The following HHAT variants were observed in gnomAD, a reference collection of about 807,000 sequenced individuals.
HHAT encodes the protein protein-cysteine N-palmitoyltransferase HHAT.
A neutral mutation model predicts 70.8 loss-of-function variants in HHAT; 47 were observed. That is an observed-to-expected ratio of 0.66 (90% CI 0.53 to 0.85). The LOEUF is 0.85. Among genes scored for constraint, HHAT ranks in the 40% least tolerant of loss-of-function variants. The probability of loss-of-function intolerance (pLI) is 0.00; values close to 1 mark genes in which losing one functional copy is unlikely to be tolerated. For missense variants in HHAT, 609 were observed against 604.8 expected (o/e 1.01, Z -0.07); for synonymous variants, 228 against 247.6 (o/e 0.92, Z 0.74).
intron 8 of HHAT, among the ~76,000 whole-genome samples, chr1:210,480,778 T>TC (rs1250039792): frequency 6.6e-6 from 1 of 152,136 alleles, no homozygotes; most frequent in East Asian, 1.9e-4. Context: ...CCCTGATAGC[T>TC]CCCCTCCAGG....
At chr1:210,340,243 A>AAG (rs1558310289) in intron 1 of HHAT, among the ~76,000 whole-genome samples, 1,777 of 20,018 alleles carry the variant, frequency 0.089, 33 homozygotes, top group African/African-American at 0.2. Flanking sequence ...TCTGTCTCAG[A>AAG]AAAAAAAAAA....
chr1:210,553,608 A>G lies in HHAT; in HGVS notation c.1044-34290A>G, dbSNP rs567619907. 2.0e-5 allele frequency among the ~76,000 whole-genome samples: 3 copies of G among 152,300 alleles called. No individual in the cohort carries two copies. The South Asian group carries it at 6.2e-4, about 32-fold the overall frequency. The stretch of plus-strand genomic sequence containing the variant: ...TCAACCCTAGCCCTGCTCAGTGCCC[A>G]CAGGGCGTCAGACAGTACTCTTCTC... On this transcript the variant is annotated intron_variant, in intron 9 of 11. Coordinates refer to ENST00000261458, the MANE Select transcript of HHAT (RefSeq NM_018194.6).
intron 7 of HHAT, among the ~76,000 whole-genome samples, chr1:210,423,190 T>C (rs1450695286): frequency 6.6e-6 from 1 of 152,184 alleles, no homozygotes; most frequent in African/African-American, 2.4e-5. Flanking sequence ...CCACCAACAA[T>C]GTGTAAGAAT....
At chr1:210,669,210 G>A (rs769886207) in intron 11 of HHAT, among the ~76,000 whole-genome samples, 15 of 152,126 alleles carry the variant, frequency 9.9e-5, no homozygotes, top group Non-Finnish European at 1.9e-4. Context: ...TCAAACCGCA[G>A]GCTTTCCATT....
intron 9 of HHAT, among the ~76,000 whole-genome samples, chr1:210,560,758 A>G (rs1314893523): frequency 7.6e-6 from 1 of 131,242 alleles, no homozygotes; most frequent in African/African-American, 2.8e-5. Context: ...GGCTACAGTG[A>G]GCTATGATCA....
intron 11 of HHAT, among the ~76,000 whole-genome samples, chr1:210,629,267 C>A (rs979146280): frequency 5.3e-5 from 8 of 152,328 alleles, no homozygotes; most frequent in Admixed American, 3.3e-4. Flanking sequence ...ACAAGTAATT[C>A]CAGCCAAGTC....
chr1:210,560,161 C>A (rs1198239274), intron 9 of HHAT, among the ~76,000 whole-genome samples: 2 of 152,152 alleles, frequency 1.3e-5, no homozygotes, highest in African/African-American at 4.8e-5. Flanking sequence ...TCTCTTGTAC[C>A]CTTCTAAGGA....
At chr1:210,632,926 G>A (rs1306439596) in intron 11 of HHAT, among the ~76,000 whole-genome samples, 1 of 152,148 alleles carries the variant, frequency 6.6e-6, no homozygotes, top group Non-Finnish European at 1.5e-5. Flanking sequence ...GGATTGGAGT[G>A]ATGCTGCCAC....
chr1:210,450,806 A>C (rs943090951), intron 7 of HHAT, among the ~76,000 whole-genome samples: 1 of 152,036 alleles, frequency 6.6e-6, no homozygotes, highest in South Asian at 2.1e-4. Flanking sequence ...TTTCTCTTCT[A>C]CTTCCTACAC....
intron 11 of HHAT, among the ~76,000 whole-genome samples, chr1:210,638,661 A>G (rs1344177910): frequency 7.0e-6 from 1 of 142,178 alleles, no homozygotes; most frequent in Non-Finnish European, 1.5e-5. Flanking sequence ...CAGGAAGATC[A>G]CTTCCCTTGA....
At chr1:210,366,390 G>A (rs1392129635) in intron 3 of HHAT, among the ~76,000 whole-genome samples, 1 of 152,172 alleles carries the variant, frequency 6.6e-6, no homozygotes, top group Non-Finnish European at 1.5e-5. Context: ...CCAGCACTTG[G>A]GAAGGCTAAG....
intron 11 of HHAT, among the ~76,000 whole-genome samples, chr1:210,654,978 G>A (rs1676076081): frequency 6.6e-6 from 1 of 152,178 alleles, no homozygotes; most frequent in South Asian, 2.1e-4. Flanking sequence ...TCACTTTAGA[G>A]GAATCAGAGA....
intron 9 of HHAT, among the ~76,000 whole-genome samples, chr1:210,585,162 C>T (rs1237791075): frequency 1.3e-5 from 2 of 149,474 alleles, no homozygotes; most frequent in Non-Finnish European, 2.9e-5. Flanking sequence ...TGTACAGATG[C>T]AGATTTGCAT....
In HHAT at chr1:210,400,518, G is replaced by C. The variant is rs764583559; in HGVS notation, c.324G>C (p.Val108=). ...ATGGGATGTGGGCCTGCTGGTGTGT[G>C]CTGGGGACCCCTGGTGTGGCTATGG... ...MLYGMWACWC[V]LGTPGVAMVL... is the part of the protein sequence containing the mutation. Residue 108 remains valine, a synonymous_variant, in exon 5 of 12, where the codon GTG becomes GTC. Coordinates refer to ENST00000261458, the MANE Select transcript of HHAT (RefSeq NM_018194.6). The C allele has an allele frequency of 6.2e-7, 1 of 1,614,014 alleles. No individual in the cohort carries two copies. The highest frequency in any genetic ancestry group is 8.5e-7 in the Non-Finnish European group (1 of 1,179,966).
chr1:210,506,082 G>C (rs1217252670), intron 8 of HHAT, among the ~76,000 whole-genome samples: 1 of 152,178 alleles, frequency 6.6e-6, no homozygotes, highest in African/African-American at 2.4e-5. Context: ...GCAGTTCTAA[G>C]CTAGGTGATA....
At chr1:210,345,572 C>T (rs759817078) in intron 1 of HHAT, among the ~76,000 whole-genome samples, 2 of 152,088 alleles carry the variant, frequency 1.3e-5, no homozygotes, top group Non-Finnish European at 2.9e-5. Context: ...ATGTGTATAG[C>T]TCTTGTTTAT....
chr1:210,612,865 T>G lies in HHAT; in HGVS notation c.1246-10661T>G, dbSNP rs1666875013. Reference sequence around the variant, plus strand: ...GGTGTGAAGTGATATCTCATGGTTTTGATTTGCATTTCCTTTATGACTTTT... The same window carrying G: ...GGTGTGAAGTGATATCTCATGGTTTGGATTTGCATTTCCTTTATGACTTTT... On this transcript the variant is annotated intron_variant, in intron 10 of 11. Coordinates refer to ENST00000261458, the MANE Select transcript of HHAT (RefSeq NM_018194.6). Among the ~76,000 whole-genome samples, 2 of 152,250 alleles carry G rather than the reference T, an allele frequency of 1.3e-5. 1 individual carries two copies. Among genetic ancestry groups the G allele is most frequent in the South Asian group, 4.1e-4 (2 of 4,838 alleles).
At chr1:210,516,219 G>A (rs368161859) in intron 9 of HHAT, among the ~76,000 whole-genome samples, 2 of 152,208 alleles carry the variant, frequency 1.3e-5, no homozygotes, top group Non-Finnish European at 1.5e-5. Flanking sequence ...AGACGGTGGG[G>A]TTAGCAGTGA....
intron 8 of HHAT, among the ~76,000 whole-genome samples, chr1:210,512,893 C>T (rs2094984319): frequency 6.6e-6 from 1 of 152,042 alleles, no homozygotes; most frequent in Admixed American, 6.6e-5. Context: ...CCAGAATCTC[C>T]TGGAGAGCTT....
Sources: gnomAD v4.1 joint callset for allele counts (sites outside exome capture counted in the v4.1 genomes callset) on GRCh38, gnomAD v4.1.1 for gene constraint, MANE v1.5 for transcripts, NCBI Gene and HGNC (gene_info 2026-07-23, HGNC 2026-07-21) for gene names.